WWOX: variants seen among roughly 807,000 people sequenced by gnomAD.
WWOX encodes the protein WW domain containing oxidoreductase.
In WWOX, 69 loss-of-function variants were observed where a neutral mutation model predicts 46.2. That is an observed-to-expected ratio of 1.49 (90% CI 1.23 to 1.82). The LOEUF is 1.82. Among genes scored for constraint, WWOX ranks in the 40% most tolerant of loss-of-function variants. WWOX has a pLI of 0.00. For missense variants in WWOX, 919 were observed against 542.6 expected (o/e 1.69, Z -6.89); for synonymous variants, 359 against 202.6 (o/e 1.77, Z -6.56).
intron 5 of WWOX, among the ~76,000 whole-genome samples, chr16:78,324,912 C>A (rs964758332): frequency 6.6e-6 from 1 of 152,116 alleles, no homozygotes; most frequent in Non-Finnish European, 1.5e-5. Flanking sequence ...ATGGGTGAAT[C>A]GTATGGTATG....
At chr16:78,203,735 A>G (rs1027952542) in intron 5 of WWOX, among the ~76,000 whole-genome samples, 3 of 152,174 alleles carry the variant, frequency 2.0e-5, no homozygotes, top group Non-Finnish European at 4.4e-5. Flanking sequence ...AGGTAAAATA[A>G]TGAGGCTCAA....
At chr16:78,644,601 A>G (rs991064033) in intron 8 of WWOX, among the ~76,000 whole-genome samples, 5 of 152,218 alleles carry the variant, frequency 3.3e-5, no homozygotes, top group African/African-American at 1.2e-4. Flanking sequence ...ACCTGGGATT[A>G]CAGGAGCCTG....
At chr16:78,638,811 TAGG>T (rs751468535) in intron 8 of WWOX, among the ~76,000 whole-genome samples, 8 of 152,154 alleles carry the variant, frequency 5.3e-5, no homozygotes, top group Non-Finnish European at 1.2e-4. Flanking sequence ...CAGAAATAAT[TAGG>T]AGATTTCACA....
chr16:79,066,061 C>T (rs1164368991), intron 8 of WWOX, among the ~76,000 whole-genome samples: 1 of 152,200 alleles, frequency 6.6e-6, no homozygotes, highest in Non-Finnish European at 1.5e-5. Context: ...CTTTGATAAT[C>T]GCAGCCTCCA....
chr16:79,140,453 A>G (rs1597411189), intron 8 of WWOX, among the ~76,000 whole-genome samples: 1 of 152,220 alleles, frequency 6.6e-6, no homozygotes, highest in Non-Finnish European at 1.5e-5. Context: ...CCTACCATAC[A>G]GCACTGACAC....
At chr16:78,224,009 C>T (rs1469766762) in intron 5 of WWOX, among the ~76,000 whole-genome samples, 1 of 152,008 alleles carries the variant, frequency 6.6e-6, no homozygotes, top group Non-Finnish European at 1.5e-5. Flanking sequence ...TTTATCTTTC[C>T]TTCTTTTTTT....
At chr16:79,128,009 A>G (rs1306301956) in intron 8 of WWOX, among the ~76,000 whole-genome samples, 1 of 152,130 alleles carries the variant, frequency 6.6e-6, no homozygotes, top group Non-Finnish European at 1.5e-5. Context: ...CATGGCAAAG[A>G]CCCATCATTG....
chr16:78,462,417 G>A lies in WWOX; in HGVS notation c.1056+29665G>A, dbSNP rs531567335. Among the ~76,000 whole-genome samples the A allele has an allele frequency of 3.9e-5, 6 of 152,192 alleles. No homozygotes were observed. In the South Asian group the frequency reaches 6.2e-4, roughly 16 times the overall value. ...CCGGCCATAGATTTATCCTGTTGTCGCTAATTTGCAGCGCACTTGCCAGCA... is the reference window on the plus strand; with the variant it reads ...CCGGCCATAGATTTATCCTGTTGTCACTAATTTGCAGCGCACTTGCCAGCA... On this transcript the variant is annotated intron_variant, in intron 8 of 8. Transcript: ENST00000566780.
At chr16:78,506,296 G>A (rs558084753) in intron 8 of WWOX, among the ~76,000 whole-genome samples, 34 of 152,174 alleles carry the variant, frequency 2.2e-4, no homozygotes, top group Non-Finnish European at 4.6e-4. Context: ...ACTCTATATC[G>A]CTTTTGCTTC....
chr16:78,585,511 C>A (rs760336112), intron 8 of WWOX, among the ~76,000 whole-genome samples: 3 of 152,122 alleles, frequency 2.0e-5, no homozygotes, highest in Non-Finnish European at 4.4e-5. Context: ...ATTTAGCAAA[C>A]CCCAGGATCC....
chr16:79,063,511 A>G (rs1463904959), intron 8 of WWOX, among the ~76,000 whole-genome samples: 2 of 152,228 alleles, frequency 1.3e-5, no homozygotes, highest in East Asian at 1.9e-4. Flanking sequence ...ACAAAACCAA[A>G]CAAAAGCCTG....
intron 8 of WWOX, among the ~76,000 whole-genome samples, chr16:79,161,086 A>G (rs1198051177): frequency 6.6e-6 from 1 of 152,236 alleles, no homozygotes; most frequent in Non-Finnish European, 1.5e-5. Flanking sequence ...AAACACCTCT[A>G]GGTATTGTTT....
chr16:78,473,741 A>T (rs2151437561), intron 8 of WWOX, among the ~76,000 whole-genome samples: 1 of 152,250 alleles, frequency 6.6e-6, no homozygotes, highest in East Asian at 1.9e-4. Flanking sequence ...GGTCTTTGCA[A>T]GGTAAGCTGT....
At chr16:78,414,059 T>C (rs534796973) in intron 6 of WWOX, among the ~76,000 whole-genome samples, 160 of 152,070 alleles carry the variant, frequency 1.1e-3, no homozygotes, top group African/African-American at 3.7e-3. Flanking sequence ...CCACCCTAAC[T>C]GATCAGTTGA....
intron 8 of WWOX, among the ~76,000 whole-genome samples, chr16:78,883,806 C>G (rs1326212187): frequency 6.6e-6 from 1 of 151,772 alleles, no homozygotes; most frequent in African/African-American, 2.4e-5. Context: ...AGACAATAAA[C>G]AGCGTGGAGG....
Position 78,901,167 on chromosome 16 carries a change from G to A in WWOX, c.1057-310441G>A, listed in dbSNP as rs182653302. 7.2e-5 allele frequency among the ~76,000 whole-genome samples: 11 copies of A among 152,244 alleles called. No individual in the cohort carries two copies. In the East Asian group the frequency reaches 1.4e-3, roughly 19 times the overall value. ...TTCATAGGGCAAAATGCAGAGTTCG[G>A]GTTCCTTCCTATCCATGAGAGTAGG... On this transcript the variant is annotated intron_variant, in intron 8 of 8. Transcript: ENST00000566780.
At chr16:78,531,910 A>G (rs1268631265) in intron 8 of WWOX, among the ~76,000 whole-genome samples, 1 of 152,120 alleles carries the variant, frequency 6.6e-6, no homozygotes, top group Non-Finnish European at 1.5e-5. Context: ...GCCAACTACA[A>G]TAACTTTTTC....
At chr16:79,060,567 G>C (rs2048340595) in intron 8 of WWOX, among the ~76,000 whole-genome samples, 1 of 152,236 alleles carries the variant, frequency 6.6e-6, no homozygotes, top group African/African-American at 2.4e-5. Flanking sequence ...TCCCTTCTAA[G>C]GGCTTGGCAA....
At chr16:79,002,710 A>G (rs2047118105) in intron 8 of WWOX, among the ~76,000 whole-genome samples, 2 of 152,072 alleles carry the variant, frequency 1.3e-5, no homozygotes, top group Non-Finnish European at 2.9e-5. Context: ...GCCTATTCCC[A>G]TTTCACAGAG....
Sources: allele counts gnomAD v4.1 joint callset (sites outside exome capture counted in the v4.1 genomes callset), GRCh38; gene constraint gnomAD v4.1.1; transcripts MANE v1.5; gene names NCBI Gene and HGNC (gene_info 2026-07-23, HGNC 2026-07-21).